CCSER1: variants seen among roughly 807,000 people sequenced by gnomAD.
CCSER1 encodes serine-rich coiled-coil domain-containing protein 1.
In CCSER1, 41 loss-of-function variants were observed where a neutral mutation model predicts 82.0. The ratio of observed to expected loss-of-function variants is 0.50; its 90% CI spans 0.39 to 0.65. The LOEUF is 0.65. Among genes scored for constraint, CCSER1 ranks in the 30% least tolerant of loss-of-function variants. The pLI is 0.00. For synonymous variants in CCSER1, 414 were observed against 383.9 expected, an observed-to-expected ratio of 1.08 and a Z score of -0.92; for missense variants, 1,119 against 1,064.2, an observed-to-expected ratio of 1.05 and a Z score of -0.72.
intron 10 of CCSER1, among the ~76,000 whole-genome samples, chr4:91,245,821 T>TTC (rs1560540067): frequency 6.6e-6 from 1 of 151,908 alleles, no homozygotes; most frequent in Non-Finnish European, 1.5e-5. Flanking sequence ...CTCAGCCTCC[T>TTC]GAGTAGCTGG....
intron 10 of CCSER1, among the ~76,000 whole-genome samples, chr4:91,190,911 T>C (rs1213301037): frequency 6.6e-6 from 1 of 152,188 alleles, no homozygotes; most frequent in East Asian, 1.9e-4. Flanking sequence ...AGGAAGACTT[T>C]ACTACCTCAG....
intron 3 of CCSER1, among the ~76,000 whole-genome samples, chr4:90,315,967 T>C (rs1736100160): frequency 6.6e-6 from 1 of 152,248 alleles, no homozygotes; most frequent in African/African-American, 2.4e-5. Flanking sequence ...CTGGCACATT[T>C]TCTATATTCC....
intron 5 of CCSER1, among the ~76,000 whole-genome samples, chr4:90,591,753 T>C (rs566401279): frequency 6.6e-6 from 1 of 152,296 alleles, no homozygotes; most frequent in African/African-American, 2.4e-5. Context: ...ATTGGAACAC[T>C]ATTAACAATA....
At chr4:91,375,812 G>A (rs1307481646) in intron 10 of CCSER1, among the ~76,000 whole-genome samples, 3 of 151,692 alleles carry the variant, frequency 2.0e-5, no homozygotes, top group African/African-American at 4.8e-5. Context: ...AAACCAAAGG[G>A]ATTACTCAAA....
chr4:90,470,890 A>G (rs1383206397), intron 5 of CCSER1, among the ~76,000 whole-genome samples: 1 of 151,814 alleles, frequency 6.6e-6, no homozygotes, highest in Non-Finnish European at 1.5e-5. Flanking sequence ...GTGGCGATTG[A>G]CTAGATAATT....
rs556678269 is a variant in CCSER1 at position 91,522,998 on chromosome 4, T to C, written c.2218-75574T>C. On this transcript the variant is annotated intron_variant, in intron 10 of 10. Coordinates refer to ENST00000509176, the MANE Select transcript of CCSER1 (RefSeq NM_001145065.2). The stretch of plus-strand genomic sequence containing the variant: ...CAGTTTTTGCCCATTCAGTATGATA[T>C]TGGCTGTGGGTTTGTCATAAATAGC... Among the ~76,000 whole-genome samples, 139 of 152,330 alleles carry C rather than the reference T, an allele frequency of 9.1e-4. 1 individual carries two copies. Among genetic ancestry groups the C allele is most frequent in the Admixed American group, 8.9e-3 (136 of 15,304 alleles).
chr4:90,972,676 T>C (rs959590879), intron 9 of CCSER1, among the ~76,000 whole-genome samples: 1 of 151,714 alleles, frequency 6.6e-6, no homozygotes, highest in African/African-American at 2.4e-5. Flanking sequence ...CTGAAATTCA[T>C]ATGGAATCAT....
At chr4:90,381,642 AAG>A (rs981508918) in intron 3 of CCSER1, among the ~76,000 whole-genome samples, 2 of 152,128 alleles carry the variant, frequency 1.3e-5, no homozygotes, top group African/African-American at 2.4e-5. Flanking sequence ...AAAATAAAGA[AAG>A]AGGGGGAAAA....
At chr4:91,081,406 CAT>C (rs1292854049) in intron 9 of CCSER1, among the ~76,000 whole-genome samples, 10 of 152,082 alleles carry the variant, frequency 6.6e-5, no homozygotes, top group Admixed American at 6.6e-4. Context: ...ATTCATGGGA[CAT>C]ATCTCAAAAT....
chr4:91,292,008 T>G (rs1743782884), intron 10 of CCSER1, among the ~76,000 whole-genome samples: 1 of 152,072 alleles, frequency 6.6e-6, no homozygotes, highest in South Asian at 2.1e-4. Flanking sequence ...ATATTTCTGT[T>G]AAAGCATCAT....
intron 10 of CCSER1, among the ~76,000 whole-genome samples, chr4:91,214,532 A>C (rs1737090062): frequency 1.3e-5 from 2 of 152,154 alleles, no homozygotes. Flanking sequence ...ACCTATTCAT[A>C]GTTCATATTT....
At chr4:90,773,380 A>G (rs1235372432) in intron 7 of CCSER1, among the ~76,000 whole-genome samples, 1 of 152,164 alleles carries the variant, frequency 6.6e-6, no homozygotes, top group African/African-American at 2.4e-5. Flanking sequence ...AGAATTTTAC[A>G]ATGTAACTTT....
chr4:90,436,083 C>T (rs1035315284), intron 4 of CCSER1, among the ~76,000 whole-genome samples: 1 of 151,926 alleles, frequency 6.6e-6, no homozygotes, highest in African/African-American at 2.4e-5. Flanking sequence ...GTTTCACTTA[C>T]ATATAAGATA....
intron 4 of CCSER1, among the ~76,000 whole-genome samples, chr4:90,456,442 G>A (rs114996462): frequency 0.016 from 2,481 of 152,276 alleles, 65 homozygotes; most frequent in African/African-American, 0.057. Flanking sequence ...AGGAAAGACT[G>A]GAGGTCCTAG....
rs1779098112 is a variant in CCSER1 at position 90,564,089 on chromosome 4, A to C, written c.1725-63936A>C. Among the ~76,000 whole-genome samples the C allele has an allele frequency of 8.5e-5, 13 of 152,256 alleles. No homozygotes were observed. In the South Asian group the frequency reaches 2.7e-3, roughly 32 times the overall value. On this transcript the variant is annotated intron_variant, in intron 5 of 10. Transcript: ENST00000509176. ...TTGATTTGTATGTCCTCTTTTGAGAAATATCTAATCATGTATTTTACCTGT... is the reference window on the plus strand; with the variant it reads ...TTGATTTGTATGTCCTCTTTTGAGACATATCTAATCATGTATTTTACCTGT...
At chr4:91,289,082 A>G (rs1180702702) in intron 10 of CCSER1, among the ~76,000 whole-genome samples, 1 of 152,026 alleles carries the variant, frequency 6.6e-6, no homozygotes, top group Non-Finnish European at 1.5e-5. Context: ...CATCAGGAAA[A>G]ACCCTATGAC....
chr4:90,868,859 C>A (rs1275005304), intron 8 of CCSER1, among the ~76,000 whole-genome samples: 2 of 152,024 alleles, frequency 1.3e-5, no homozygotes, highest in Non-Finnish European at 2.9e-5. Context: ...ACATCCTTGC[C>A]AGCATTTGTT....
At chr4:91,526,295 C>T (rs1760760757) in intron 10 of CCSER1, among the ~76,000 whole-genome samples, 1 of 152,162 alleles carries the variant, frequency 6.6e-6, no homozygotes, top group Non-Finnish European at 1.5e-5. Flanking sequence ...CAATTGTCAA[C>T]CAGAAAATAT....
intron 9 of CCSER1, among the ~76,000 whole-genome samples, chr4:90,946,171 G>C (rs1470418128): frequency 6.6e-6 from 1 of 152,068 alleles, no homozygotes; most frequent in African/African-American, 2.4e-5. Flanking sequence ...AATTTTATAA[G>C]CATGAGCAAA....
Sources: gnomAD v4.1 joint callset for allele counts (sites outside exome capture counted in the v4.1 genomes callset) on GRCh38, gnomAD v4.1.1 for gene constraint, MANE v1.5 for transcripts, NCBI Gene and HGNC (gene_info 2026-07-23, HGNC 2026-07-21) for gene names.